The following ARFIP1 variants were observed in gnomAD, a reference collection of about 807,000 sequenced individuals.
ARFIP1 encodes the protein arfaptin-1.
In ARFIP1, 24 loss-of-function variants were observed where a neutral mutation model predicts 42.5. The ratio of observed to expected loss-of-function variants is 0.57; its 90% CI spans 0.41 to 0.80. ARFIP1 has a LOEUF of 0.80. ARFIP1 is among the 30% of genes least tolerant of loss of function. ARFIP1 has a pLI of 0.00. For missense variants in ARFIP1, 354 were observed against 434.0 expected, an observed-to-expected ratio of 0.82 and a Z score of 1.64; for synonymous variants, 141 against 153.7, an observed-to-expected ratio of 0.92 and a Z score of 0.61.
chr4:152,838,146 T>C (rs1381344297), intron 2 of ARFIP1, among the ~76,000 whole-genome samples: 1 of 152,206 alleles, frequency 6.6e-6, no homozygotes, highest in Non-Finnish European at 1.5e-5. Context: ...ATGCCTATCT[T>C]TATACCAGTA....
intron 6 of ARFIP1, among the ~76,000 whole-genome samples, chr4:152,881,690 C>G (rs187348572): frequency 9.9e-5 from 15 of 152,166 alleles, no homozygotes; most frequent in Non-Finnish European, 2.1e-4. Flanking sequence ...CCAATATTTG[C>G]AACAAATCAA....
At position 152,854,574 on chromosome 4, in the gene ARFIP1, G is replaced by A. The variant is rs1733269574; in HGVS notation, c.94-9032G>A. On this transcript the variant is annotated intron_variant, in intron 2 of 8. Coordinates refer to ENST00000353617, the MANE Select transcript of ARFIP1 (RefSeq NM_001025595.3). ...TTGTGTCTTTACATTGATATCTGGT[G>A]TAATCGTTTCTCCATTAGTTTGAAT... is the stretch of plus-strand genomic sequence containing the variant. Among the ~76,000 whole-genome samples, 4 of 152,166 alleles carry A rather than the reference G, an allele frequency of 2.6e-5. No homozygotes were observed. In the South Asian group the frequency reaches 6.2e-4, roughly 24 times the overall value.
At chr4:152,847,629 GTA>G (rs1392053822) in intron 2 of ARFIP1, among the ~76,000 whole-genome samples, 6 of 151,828 alleles carry the variant, frequency 4.0e-5, no homozygotes, top group Non-Finnish European at 5.9e-5. Flanking sequence ...TTAAAAAAGA[GTA>G]TTACAATTTA....
At chr4:152,884,955 CTGTGTGTACTTTAAAAA>C (rs1407479152) in intron 7 of ARFIP1, among the ~76,000 whole-genome samples, 3 of 152,026 alleles carry the variant, frequency 2.0e-5, no homozygotes, top group Non-Finnish European at 4.4e-5. Context: ...TACACAGCCT[CTGTGTGTACTTTAAAAA>C]ACAACAACAG....
intron 8 of ARFIP1, among the ~76,000 whole-genome samples, chr4:152,904,316 C>T (rs971818175): frequency 2.4e-4 from 36 of 151,688 alleles, no homozygotes; most frequent in African/African-American, 4.6e-4. Flanking sequence ...CTCAGCCTCC[C>T]GAGTTGCTGG....
chr4:152,800,249 A>T (rs1728288659), intron 1 of ARFIP1, among the ~76,000 whole-genome samples: 1 of 152,186 alleles, frequency 6.6e-6, no homozygotes, highest in Non-Finnish European at 1.5e-5. Flanking sequence ...TATGGGTCAG[A>T]TTTGTTACCA....
At chr4:152,903,298 G>A (rs1288773152) in intron 8 of ARFIP1, among the ~76,000 whole-genome samples, 8 of 152,194 alleles carry the variant, frequency 5.3e-5, no homozygotes, top group South Asian at 2.1e-4. Flanking sequence ...ACGTAAATTT[G>A]TATCTGATTT....
At chr4:152,853,447 T>C (rs940203546) in intron 2 of ARFIP1, among the ~76,000 whole-genome samples, 1 of 152,220 alleles carries the variant, frequency 6.6e-6, no homozygotes, top group Non-Finnish European at 1.5e-5. Context: ...TATCCTTGGC[T>C]GGACAGTTTT....
intron 3 of ARFIP1, among the ~76,000 whole-genome samples, chr4:152,868,639 A>G (rs1286045239): frequency 6.6e-6 from 1 of 152,158 alleles, no homozygotes; most frequent in Non-Finnish European, 1.5e-5. Context: ...TTTATTTCTT[A>G]TGCAAGATTA....
chr4:152,797,141 A>T (rs747144859), intron 1 of ARFIP1, among the ~76,000 whole-genome samples: 6 of 152,208 alleles, frequency 3.9e-5, no homozygotes, highest in Non-Finnish European at 7.3e-5. Context: ...TTTGGAGTTT[A>T]TTCTGGAATA....
chr4:152,797,876 T>G (rs932290535), intron 1 of ARFIP1, among the ~76,000 whole-genome samples: 1 of 151,750 alleles, frequency 6.6e-6, no homozygotes, highest in African/African-American at 2.4e-5. Flanking sequence ...CAAATAGAGA[T>G]AGTTTTACTT....
At chr4:152,883,783 TCCCCATATGCCCTA>T (rs1278123807) in intron 7 of ARFIP1, among the ~76,000 whole-genome samples, 1 of 151,702 alleles carries the variant, frequency 6.6e-6, no homozygotes, top group African/African-American at 2.4e-5. Context: ...CCCAATTTTT[TCCCCATATGCCCTA>T]CCCCTTTTAT....
At chr4:152,866,527 C>A (rs1364924712) in intron 3 of ARFIP1, among the ~76,000 whole-genome samples, 3 of 103,952 alleles carry the variant, frequency 2.9e-5, no homozygotes, top group Non-Finnish European at 6.1e-5. Flanking sequence ...CCGGACGGGG[C>A]GGCTGGCCGC....
rs1223078572 is a variant in ARFIP1 at position 152,910,789 on chromosome 4, A to T, written c.*570A>T. The T allele has an allele frequency of 6.6e-6, 1 of 152,228 alleles. No individual in the cohort carries two copies. The highest frequency in any genetic ancestry group is 1.5e-5 in the Non-Finnish European group (1 of 68,026). 9.4% of individuals were successfully genotyped at this position (152,228 alleles called of 1,614,324 possible). A position where few individuals can be genotyped will look rare whatever the true frequency, so the allele number is the denominator to read the frequency against. ...GTGGCAAATACCTTTTTAAAAATGA[A>T]TCTGTACCACTGTAATTTTATTTAG... On this transcript the variant is annotated 3_prime_UTR_variant, in exon 9 of 9. Transcript: ENST00000353617.
chr4:152,848,087 T>C (rs1311530589), intron 2 of ARFIP1, among the ~76,000 whole-genome samples: 1 of 152,118 alleles, frequency 6.6e-6, no homozygotes, highest in East Asian at 1.9e-4. Context: ...ATTCGTTCAG[T>C]AGAACTACCT....
chr4:152,873,425 T>A (rs543975755), intron 5 of ARFIP1, among the ~76,000 whole-genome samples: 1 of 152,334 alleles, frequency 6.6e-6, no homozygotes, highest in South Asian at 2.1e-4. Flanking sequence ...TACAAAAGTA[T>A]AGGTTTTCTT....
Position 152,800,777 on chromosome 4 carries a change from G to A in ARFIP1, c.-10+20551G>A, listed in dbSNP as rs57534413. ...GAGTACAGATCCTGCATCCAAGGTC[G>A]TATTGTTTAATAGAGGAAATTTAAA... On this transcript the variant is annotated intron_variant, in intron 1 of 8. Coordinates refer to ENST00000353617, the MANE Select transcript of ARFIP1 (RefSeq NM_001025595.3). Among the ~76,000 whole-genome samples the A allele has an allele frequency of 5.8e-3, 890 of 152,204 alleles. 7 individuals are homozygous for A. Among genetic ancestry groups the A allele is most frequent in the African/African-American group, 0.02 (830 of 41,518 alleles).
intron 1 of ARFIP1, among the ~76,000 whole-genome samples, chr4:152,788,454 T>C (rs1578798179): frequency 6.6e-6 from 1 of 152,094 alleles, no homozygotes; most frequent in Non-Finnish European, 1.5e-5. Context: ...TCAAGGCAGG[T>C]GGATTGCTTC....
At chr4:152,805,167 A>G (rs1190311144) in intron 1 of ARFIP1, among the ~76,000 whole-genome samples, 1 of 152,244 alleles carries the variant, frequency 6.6e-6, no homozygotes, top group Non-Finnish European at 1.5e-5. Context: ...TTTCAGAGTT[A>G]TCACCTGATA....
Sources: gnomAD v4.1 joint callset for allele counts (sites outside exome capture counted in the v4.1 genomes callset) on GRCh38, gnomAD v4.1.1 for gene constraint, MANE v1.5 for transcripts, NCBI Gene and HGNC (gene_info 2026-07-23, HGNC 2026-07-21) for gene names.